Variants in FBLN1 observed in about 807,000 individuals in gnomAD.
The protein encoded by FBLN1 is fibulin 1.
Under a neutral mutation model 89.7 loss-of-function variants are expected in FBLN1, and 34 were observed. That is an observed-to-expected ratio of 0.38 (90% CI 0.29 to 0.50). The LOEUF is 0.50. Among genes scored for constraint, FBLN1 ranks in the 20% least tolerant of loss-of-function variants. The probability of loss-of-function intolerance (pLI) is 0.92; values close to 1 mark genes in which losing one functional copy is unlikely to be tolerated. For missense variants in FBLN1, 777 were observed against 988.1 expected (o/e 0.79, Z 2.86); for synonymous variants, 393 against 391.3 (o/e 1.00, Z -0.05).
intron 1 of FBLN1, among the ~76,000 whole-genome samples, chr22:45,515,883 G>A (rs2088163331): frequency 6.6e-6 from 1 of 152,192 alleles, no homozygotes; most frequent in Non-Finnish European, 1.5e-5. Flanking sequence ...AGCTGGGATT[G>A]GAACCAAAGG....
At position 45,549,266 on chromosome 22, in the gene FBLN1, CCATT is replaced by C. The variant is rs2088671268; in HGVS notation, c.1573+525_1573+528del. Among the ~76,000 whole-genome samples, 2 of 152,228 alleles carry C rather than the reference CCATT, an allele frequency of 1.3e-5. No homozygotes were observed. The highest frequency in any genetic ancestry group is 4.8e-5 in the African/African-American group (2 of 41,464). On this transcript the variant is annotated intron_variant, in intron 13 of 16. Coordinates refer to ENST00000327858, the MANE Select transcript of FBLN1 (RefSeq NM_006486.3). This position sits in a 1 kb window ranked among gnomAD's most constrained non-coding sequence, Gnocchi z 5.7. ...TCCCCCAGAGCCATCTGATAACCATCCATTCAATCACTGACAGCGGGTGCTGAGT... is the reference window on the plus strand; with the variant it reads ...TCCCCCAGAGCCATCTGATAACCATCCAATCACTGACAGCGGGTGCTGAGT...
Position 45,548,606 on chromosome 22 carries a change from G to A in FBLN1, c.1442-7G>A, listed in dbSNP as rs200187611. The A allele has an allele frequency of 2.5e-5, 40 of 1,613,412 alleles. No individual in the cohort carries two copies. The highest frequency in any genetic ancestry group is 1.3e-4 in the Admixed American group (8 of 60,006). On this transcript the variant is annotated splice_polypyrimidine_tract_variant and splice_region_variant and intron_variant, in intron 12 of 16. Coordinates refer to ENST00000327858, the MANE Select transcript of FBLN1 (RefSeq NM_006486.3). ...CACTGAGGCTGAGGTGGGCTTTGCC[G>A]TTGCAGACATCGACGAGTGCGCCCT...
At position 45,576,909 on chromosome 22, in the gene FBLN1, G is replaced by C. The variant is rs982839331; in HGVS notation, c.1841-68G>C. 2.5e-6 allele frequency: 4 copies of C among 1,599,954 alleles called. No homozygotes were observed. The highest frequency in any genetic ancestry group is 3.4e-6 in the Non-Finnish European group (4 of 1,173,532). On this transcript the variant is annotated intron_variant, in intron 15 of 16. Transcript: ENST00000327858. The surrounding 1 kb of genome is among the most constrained non-coding windows in gnomAD (Gnocchi z 5.2). ...TTCATTCCCCAAGGGTGAGTTCCTG[G>C]GGACGAGGCTGGGACTGGGGCTGGG...
chr22:45,547,856 A>G (rs2146990810), intron 12 of FBLN1, among the ~76,000 whole-genome samples: 1 of 152,178 alleles, frequency 6.6e-6, no homozygotes, highest in Non-Finnish European at 1.5e-5. Flanking sequence ...GTGGTGGTGC[A>G]TGGCTGAGAG....
rs1194195827 is a variant in FBLN1 at position 45,557,571 on chromosome 22, C to T, written c.1697+6956C>T. 1.3e-5 allele frequency among the ~76,000 whole-genome samples: 2 copies of T among 152,146 alleles called. No homozygotes were observed. The highest frequency in any genetic ancestry group is 4.8e-5 in the African/African-American group (2 of 41,428). ...ACCATGGCCACTTTGTTCATGGGTCCATTGGGCAATGACAGGGGTGGCTGG... is the reference window on the plus strand; with the variant it reads ...ACCATGGCCACTTTGTTCATGGGTCTATTGGGCAATGACAGGGGTGGCTGG... On this transcript the variant is annotated intron_variant, in intron 14 of 16. Transcript: ENST00000327858. The surrounding 1 kb of genome is among the most constrained non-coding windows in gnomAD (Gnocchi z 4.9).
intron 14 of FBLN1, among the ~76,000 whole-genome samples, chr22:45,560,723 A>G (rs2088841137): frequency 6.6e-6 from 1 of 152,144 alleles, no homozygotes; most frequent in Non-Finnish European, 1.5e-5. Context: ...TAGTTTCTAT[A>G]AATTAGAAAA....
In FBLN1 at chr22:45,530,432, C is replaced by T. The variant is rs774930757; in HGVS notation, c.485-833C>T. Among the ~76,000 whole-genome samples the T allele has an allele frequency of 2.0e-4, 31 of 152,086 alleles. No individual in the cohort carries two copies. The highest frequency in any genetic ancestry group is 3.4e-4 in the Non-Finnish European group (23 of 68,030). On this transcript the variant is annotated intron_variant, in intron 4 of 16. Coordinates refer to ENST00000327858, the MANE Select transcript of FBLN1 (RefSeq NM_006486.3). This position sits in a 1 kb window ranked among gnomAD's most constrained non-coding sequence, Gnocchi z 5.4. Reference sequence around the variant, plus strand: ...TGGGAGGGCTTCCTGTCTTCACAGCCGCACCTTCCTCCCACTGCTACCAGT... The same window carrying T: ...TGGGAGGGCTTCCTGTCTTCACAGCTGCACCTTCCTCCCACTGCTACCAGT...
At chr22:45,593,220 C>A (rs949998969) in intron 16 of FBLN1, among the ~76,000 whole-genome samples, 1 of 129,986 alleles carries the variant, frequency 7.7e-6, no homozygotes, top group Non-Finnish European at 1.6e-5. Flanking sequence ...TCAAGTGCAA[C>A]ATCAAATAGC....
In FBLN1 at chr22:45,588,045, CTT is replaced by C. The variant is rs551744842; in HGVS notation, c.1972+10941_1972+10942del. On this transcript the variant is annotated intron_variant, in intron 16 of 16. Transcript: ENST00000327858. The surrounding 1 kb of genome is among the most constrained non-coding windows in gnomAD (Gnocchi z 5.1). ...CAGACATGAACGCCTCTCTCATACA[CTT>C]TTTATCCCAGAGGGTAGGAGTACAC... is the stretch of plus-strand genomic sequence containing the variant. Among the ~76,000 whole-genome samples, 1 of 152,210 alleles carries C rather than the reference CTT, an allele frequency of 6.6e-6. No homozygotes were observed.
At chr22:45,542,487 C>G (rs2088570244) in intron 10 of FBLN1, among the ~76,000 whole-genome samples, 1 of 152,210 alleles carries the variant, frequency 6.6e-6, no homozygotes, top group Admixed American at 6.5e-5. Context: ...ACTGGCACCA[C>G]CCCCCTGTGT....
At chr22:45,508,051 CCT>C (rs2088047475) in intron 1 of FBLN1, among the ~76,000 whole-genome samples, 1 of 152,150 alleles carries the variant, frequency 6.6e-6, no homozygotes, top group Non-Finnish European at 1.5e-5. Context: ...CGAGCACCTT[CCT>C]GCCCCACCCC....
intron 3 of FBLN1, among the ~76,000 whole-genome samples, chr22:45,526,630 GCT>G (rs2088332326): frequency 6.6e-6 from 1 of 152,224 alleles, no homozygotes; most frequent in African/African-American, 2.4e-5. Context: ...GGGTGTGGGA[GCT>G]CCTTTGTGGG....
At chr22:45,526,028 C>T (rs941969722) in intron 3 of FBLN1, among the ~76,000 whole-genome samples, 2 of 152,148 alleles carry the variant, frequency 1.3e-5, no homozygotes. Flanking sequence ...AATTCAGGGT[C>T]GGCACCCTCA....
intron 14 of FBLN1, chr22:45,565,242 T>C: frequency 1.4e-6 from 2 of 1,410,312 alleles, no homozygotes; most frequent in Non-Finnish European, 1.9e-6. Context: ...GAACCTTCCA[T>C]GGTTGTCTTT....
Position 45,555,264 on chromosome 22 carries a change from T to A in FBLN1, c.1697+4649T>A, listed in dbSNP as rs549072009. Among the ~76,000 whole-genome samples, 168 of 33,454 alleles carry A rather than the reference T, an allele frequency of 5.0e-3. 1 individual carries two copies. The highest frequency in any genetic ancestry group is 0.022 in the Middle Eastern group (1 of 46). The allele number at this position is 33,454 out of a possible 152,430, so 21.9% of individuals were successfully genotyped here. ...TGGAATATACATATATATATATATATAAAATGGAATATATATATATATATA... is the reference window on the plus strand; with the variant it reads ...TGGAATATACATATATATATATATAAAAAATGGAATATATATATATATATA... On this transcript the variant is annotated intron_variant, in intron 14 of 16. Transcript: ENST00000327858.
intron 16 of FBLN1, among the ~76,000 whole-genome samples, chr22:45,593,339 G>T (rs1170065118): frequency 6.6e-6 from 1 of 152,190 alleles, no homozygotes; most frequent in East Asian, 1.9e-4. Flanking sequence ...CAGGATCCTG[G>T]ATCCCCAGCA....
At chr22:45,524,353 C>T (rs2088291553) in intron 2 of FBLN1, among the ~76,000 whole-genome samples, 1 of 152,236 alleles carries the variant, frequency 6.6e-6, no homozygotes, top group Non-Finnish European at 1.5e-5. Context: ...TCCTCTCCTG[C>T]TCATTGCCTT....
intron 1 of FBLN1, among the ~76,000 whole-genome samples, chr22:45,509,528 T>A (rs2088069813): frequency 6.6e-6 from 1 of 151,786 alleles, no homozygotes; most frequent in Non-Finnish European, 1.5e-5. Flanking sequence ...GGCCAGGTGG[T>A]CTTGAAGAGG....
At chr22:45,543,045 T>C (rs1036307875) in intron 10 of FBLN1, among the ~76,000 whole-genome samples, 6 of 152,112 alleles carry the variant, frequency 3.9e-5, no homozygotes, top group Non-Finnish European at 8.8e-5. Context: ...GGCAGGTGAA[T>C]CACTTGAGGT....
Sources: gnomAD v4.1 joint callset for allele counts (sites outside exome capture counted in the v4.1 genomes callset) on GRCh38, gnomAD v4.1.1 for gene constraint, Gnocchi (gnomAD v3.1) non-coding constraint, MANE v1.5 for transcripts, NCBI Gene and HGNC (gene_info 2026-07-23, HGNC 2026-07-21) for gene names.